Variants in GAB4 observed in about 807,000 individuals in gnomAD.
GAB4 encodes the protein GRB2 associated binding protein family member 4, also known as GRB2-associated-binding protein 4.
A neutral mutation model predicts 51.3 loss-of-function variants in GAB4; 26 were observed. That is an observed-to-expected ratio of 0.51 (90% CI 0.37 to 0.70). The LOEUF (loss-of-function observed/expected upper bound fraction) is 0.70, where lower values mean the gene tolerates loss of function less well. GAB4 is among the 30% of genes least tolerant of loss of function. The probability of loss-of-function intolerance (pLI) is 0.00; values close to 1 mark genes in which losing one functional copy is unlikely to be tolerated. For missense variants in GAB4, 759 were observed against 734.6 expected, an observed-to-expected ratio of 1.03 and a Z score of -0.38; for synonymous variants, 329 against 291.2, an observed-to-expected ratio of 1.13 and a Z score of -1.32.
intron 3 of GAB4, among the ~76,000 whole-genome samples, chr22:16,974,173 A>C (rs2060757485): frequency 2.0e-5 from 3 of 152,206 alleles, no homozygotes; most frequent in Non-Finnish European, 4.4e-5. Flanking sequence ...CACCCATGTG[A>C]GGCCAATGTT....
rs777774816 is a variant in GAB4, at chr22:16,963,838, A to G, written c.1477-9T>C. 6.8e-6 allele frequency: 11 copies of G among 1,609,752 alleles called. No homozygotes were observed. On this transcript the variant is annotated splice_polypyrimidine_tract_variant and intron_variant, in intron 8 of 9. Transcript: ENST00000400588. Reference sequence around the variant, plus strand: ...AATGCAGATGCCGGGTTCTGCTGTCACAAGGAGGAAAATCCTGCAAATGAG... The same window carrying G: ...AATGCAGATGCCGGGTTCTGCTGTCGCAAGGAGGAAAATCCTGCAAATGAG...
chr22:16,966,107 G>A lies in GAB4; in HGVS notation c.1281C>T (p.Asn427=). 6.2e-7 allele frequency: 1 copy of A among 1,613,898 alleles called. No homozygotes were observed. Among genetic ancestry groups the A allele is most frequent in the Non-Finnish European group, 8.5e-7 (1 of 1,179,950 alleles). The change falls in exon 6 of 10, where the codon AAC becomes AAT. Residue 427 remains asparagine (N), a synonymous_variant. Transcript: ENST00000400588. ...LPPVNRSLKP[N]QKANPTPPNL... ...GAATGGGGAAAGACTTACCCTTCTG[G>A]TTAGGCTTGAGGCTGCGGTTGACAG...
chr22:16,977,575 G>T (rs2060789787), intron 3 of GAB4, among the ~76,000 whole-genome samples: 1 of 152,072 alleles, frequency 6.6e-6, no homozygotes, highest in Non-Finnish European at 1.5e-5. Flanking sequence ...CAATAATAAT[G>T]GGAGACTTTA....
chr22:16,976,270 G>C (rs1226481690), intron 3 of GAB4, among the ~76,000 whole-genome samples: 1 of 152,184 alleles, frequency 6.6e-6, no homozygotes, highest in Non-Finnish European at 1.5e-5. Context: ...TAAAGACCTT[G>C]ATAAAAGGTT....
At chr22:16,969,315 A>G (rs2123652224) in intron 4 of GAB4, among the ~76,000 whole-genome samples, 1 of 152,350 alleles carries the variant, frequency 6.6e-6, no homozygotes, top group African/African-American at 2.4e-5. Flanking sequence ...ATTTAAACAT[A>G]CATACACTAT....
Position 16,973,711 on chromosome 22 carries a change from G to T in GAB4, c.687-3518C>A, listed in dbSNP as rs139568880. Among the ~76,000 whole-genome samples the T allele has an allele frequency of 9.7e-3, 1,470 of 152,230 alleles. 8 individuals carry two copies. The highest frequency in any genetic ancestry group is 0.024 in the Middle Eastern group (7 of 294). On this transcript the variant is annotated intron_variant, in intron 3 of 9. Coordinates refer to ENST00000400588, the MANE Select transcript of GAB4 (RefSeq NM_001037814.1). ...TTCTCTGTGCCCCCATAGCACCTGG[G>T]CTCCCATCAGCACATGCACTCACTC...
intron 1 of GAB4, among the ~76,000 whole-genome samples, chr22:17,005,937 A>G (rs1049141162): frequency 2.6e-5 from 4 of 152,228 alleles, no homozygotes; most frequent in Non-Finnish European, 5.9e-5. Context: ...AACCTAGGCA[A>G]TATCATCCAG....
intron 3 of GAB4, among the ~76,000 whole-genome samples, chr22:16,973,021 C>A (rs558488970): frequency 1.3e-5 from 2 of 152,188 alleles, no homozygotes; most frequent in South Asian, 4.1e-4. Flanking sequence ...GGGCTTTGTC[C>A]TGTTGTCAGC....
chr22:16,968,412 A>C (rs777521958), intron 4 of GAB4, 29 bp from the exon 5 acceptor site: 1 of 1,529,376 alleles, frequency 6.5e-7, no homozygotes, highest in African/African-American at 1.4e-5. Flanking sequence ...ATCCACATGC[A>C]TCACAGCTGA....
chr22:17,007,702 C>T (rs1369078764), intron 1 of GAB4, among the ~76,000 whole-genome samples: 1 of 152,288 alleles, frequency 6.6e-6, no homozygotes, highest in African/African-American at 2.4e-5. Context: ...TGCAGGCCCA[C>T]GGCGCTCAAG....
intron 6 of GAB4, 82 bp from the exon 7 acceptor site, chr22:16,965,350 TAGAA>T: frequency 9.3e-7 from 1 of 1,076,640 alleles, no homozygotes; most frequent in South Asian, 1.3e-5. Context: ...CAGGTGTGCT[TAGAA>T]AGGCCCACCC....
chr22:16,978,359 G>A (rs1485295537), intron 3 of GAB4, among the ~76,000 whole-genome samples: 3 of 152,038 alleles, frequency 2.0e-5, no homozygotes, highest in African/African-American at 4.8e-5. Flanking sequence ...TATCACCACC[G>A]ACCCCACAGA....
chr22:16,993,082 T>C (rs1473870369), intron 1 of GAB4, among the ~76,000 whole-genome samples: 1 of 152,174 alleles, frequency 6.6e-6, no homozygotes, highest in East Asian at 1.9e-4. Context: ...TACTGCTCCA[T>C]CCCATAGAAT....
chr22:16,989,004 C>A (rs2060891661), intron 2 of GAB4, among the ~76,000 whole-genome samples: 1 of 152,140 alleles, frequency 6.6e-6, no homozygotes, highest in East Asian at 1.9e-4. Context: ...AGCACTTGGC[C>A]CATGTTCCCG....
chr22:16,995,336 C>G (rs192238338), intron 1 of GAB4, among the ~76,000 whole-genome samples: 17 of 152,348 alleles, frequency 1.1e-4, no homozygotes. Flanking sequence ...CACTTTCTTC[C>G]AGTGCCTGTA....
At chr22:16,967,430 G>A (rs960176515) in intron 5 of GAB4, 1 of 152,550 alleles carries the variant, frequency 6.6e-6, no homozygotes, top group African/African-American at 2.4e-5. Context: ...GCACTGGCAG[G>A]TCAGCATCTC....
chr22:17,001,035 T>G (rs1216092626), intron 1 of GAB4, among the ~76,000 whole-genome samples: 1 of 152,232 alleles, frequency 6.6e-6, no homozygotes, highest in Admixed American at 6.5e-5. Context: ...CTTCCCTTTG[T>G]GGGTAATCTG....
rs921857527 is a variant in GAB4, at chr22:16,963,932, C to G, written c.1477-103G>C. The stretch of plus-strand genomic sequence containing the variant: ...GTAGCTACGAGCCCACTGGGTCCTA[C>G]TCTGAGCCATGCACTGGGGCACTCT... On this transcript the variant is annotated intron_variant, in intron 8 of 9. Coordinates refer to ENST00000400588, the MANE Select transcript of GAB4 (RefSeq NM_001037814.1). 16 of 821,840 alleles carry G rather than the reference C, an allele frequency of 1.9e-5. No homozygotes were observed. The African/African-American group carries it at 2.2e-4, about 11-fold the overall frequency. The allele number at this position is 821,840 out of a possible 1,614,324, so 50.9% of individuals were successfully genotyped here.
chr22:16,963,616 G>GCT, intron 9 of GAB4, 109 bp downstream of exon 9: 1 of 744,484 alleles, frequency 1.3e-6, no homozygotes, highest in Non-Finnish European at 2.3e-6. Flanking sequence ...GCACTGGGCT[G>GCT]GGAGTGGCAG....
Sources: allele counts gnomAD v4.1 joint callset (sites outside exome capture counted in the v4.1 genomes callset), GRCh38; gene constraint gnomAD v4.1.1; transcripts MANE v1.5; gene names NCBI Gene and HGNC (gene_info 2026-07-23, HGNC 2026-07-21).